CCNY: variants seen among roughly 807,000 people sequenced by gnomAD.
CCNY encodes the protein cyclin Y, also known as cyclin-Y.
In CCNY, 19 loss-of-function variants were observed where a neutral mutation model predicts 42.8. The observed-to-expected ratio is 0.44, with a 90% CI of 0.31 to 0.65. CCNY has a LOEUF of 0.65. Ranked by LOEUF, CCNY falls within the 30% of genes least tolerant of loss-of-function variation. The pLI, the probability that CCNY is intolerant of heterozygous loss-of-function variation, is 0.07. For synonymous variants in CCNY, 165 were observed against 162.7 expected (o/e 1.01, Z -0.11); for missense variants, 370 against 437.3 (o/e 0.85, Z 1.37).
At chr10:35,535,674 T>C (rs1589189790) in intron 7 of CCNY, among the ~76,000 whole-genome samples, 1 of 152,222 alleles carries the variant, frequency 6.6e-6, no homozygotes, top group South Asian at 2.1e-4. Flanking sequence ...GTGCTGAACA[T>C]GTACAGAATT....
intron 1 of CCNY, among the ~76,000 whole-genome samples, chr10:35,374,232 A>T (rs1035123557): frequency 6.6e-6 from 1 of 152,206 alleles, no homozygotes; most frequent in African/African-American, 2.4e-5. Context: ...CATATTATAT[A>T]GTTTAGCCAG....
intron 3 of CCNY, among the ~76,000 whole-genome samples, chr10:35,289,897 A>T (rs1398178390): frequency 6.9e-6 from 1 of 145,980 alleles, no homozygotes. Context: ...AAAAAAAAAA[A>T]GTTCCTTCAA....
In CCNY at chr10:35,275,056, CT is replaced by C. The variant is rs34467762; in HGVS notation, c.-9+24455del. 4.6e-3 allele frequency among the ~76,000 whole-genome samples: 298 copies of C among 64,888 alleles called. 1 individual carries two copies. Among genetic ancestry groups the C allele is most frequent in the Non-Finnish European group, 5.4e-3 (204 of 38,028 alleles). 42.6% of individuals were successfully genotyped at this position (64,888 alleles called of 152,430 possible). A position where few individuals can be genotyped will look rare whatever the true frequency, so the allele number is the denominator to read the frequency against. ...TATTGTTTTTGATTCACCGTCATTC[CT>C]TTTTTTTTTTTTTTTTTTTTTTTTG... On this transcript the variant is annotated intron_variant, in intron 3 of 11. Coordinates refer to the CCNY transcript ENST00000374706.
intron 2 of CCNY, among the ~76,000 whole-genome samples, chr10:35,489,062 G>A (rs891403299): frequency 3.3e-5 from 5 of 152,250 alleles, no homozygotes; most frequent in African/African-American, 1.2e-4. Context: ...AGCGGATCAC[G>A]AGGTCAGGAG....
intron 3 of CCNY, among the ~76,000 whole-genome samples, chr10:35,301,633 G>T (rs1292812266): frequency 3.3e-5 from 5 of 152,112 alleles, no homozygotes; most frequent in African/African-American, 1.2e-4. Flanking sequence ...GCTGTCTTTT[G>T]TTTTGCTTTG....
upstream of CCNY, among the ~76,000 whole-genome samples, chr10:35,334,846 C>A (rs997591997): frequency 2.0e-5 from 3 of 152,172 alleles, no homozygotes; most frequent in African/African-American, 4.8e-5. Context: ...CACACGATGT[C>A]CACACATTGC....
intron 4 of CCNY, among the ~76,000 whole-genome samples, chr10:35,523,194 G>A (rs1255869944): frequency 2.0e-5 from 3 of 152,176 alleles, no homozygotes; most frequent in South Asian, 2.1e-4. Flanking sequence ...TCCAACAGCC[G>A]TATTTGACAA....
chr10:35,341,559 G>T (rs184744703), intron 1 of CCNY, among the ~76,000 whole-genome samples: 20 of 152,358 alleles, frequency 1.3e-4, no homozygotes, highest in African/African-American at 4.3e-4. Flanking sequence ...AGTAGCACCT[G>T]ATTCCTTGAA....
chr10:35,430,299 T>G (rs1417224034), intron 1 of CCNY, among the ~76,000 whole-genome samples: 2 of 120,940 alleles, frequency 1.7e-5, no homozygotes, highest in African/African-American at 6.5e-5. Context: ...ATCCCGCCAC[T>G]GCACTCCAGC....
chr10:35,436,595 G>T (rs1838538908), intron 1 of CCNY, among the ~76,000 whole-genome samples: 2 of 152,284 alleles, frequency 1.3e-5, no homozygotes, highest in East Asian at 1.9e-4. Flanking sequence ...GAAGGACACT[G>T]GAGGCACAGC....
chr10:35,346,633 G>T (rs1215535850), intron 1 of CCNY, among the ~76,000 whole-genome samples: 8 of 152,068 alleles, frequency 5.3e-5, no homozygotes, highest in Non-Finnish European at 1.0e-4. Flanking sequence ...CTATACATTA[G>T]GTTTTACTGT....
chr10:35,544,729 A>G (rs1244575998), intron 7 of CCNY, among the ~76,000 whole-genome samples: 1 of 152,236 alleles, frequency 6.6e-6, no homozygotes, highest in Non-Finnish European at 1.5e-5. Context: ...CCTTGTGTGC[A>G]TAGTGAGCTG....
chr10:35,359,550 A>AGGCT (rs1367739702), intron 1 of CCNY, among the ~76,000 whole-genome samples: 2 of 151,812 alleles, frequency 1.3e-5, no homozygotes, highest in Non-Finnish European at 2.9e-5. Context: ...TATGCTGCCC[A>AGGCT]GGCTGATCTT....
At chr10:35,281,279 A>ATTAT (rs1295762658) in intron 3 of CCNY, among the ~76,000 whole-genome samples, 327 of 152,064 alleles carry the variant, frequency 2.2e-3, no homozygotes, top group African/African-American at 6.6e-3. Context: ...AGGAATTTTT[A>ATTAT]TTATTTATTT....
chr10:35,548,776 G>A (rs1267749541), intron 7 of CCNY, among the ~76,000 whole-genome samples: 1 of 152,060 alleles, frequency 6.6e-6, no homozygotes, highest in Non-Finnish European at 1.5e-5. Flanking sequence ...GGTGCATTCG[G>A]TGTAACTGTT....
At chr10:35,290,096 T>C (rs1295060259) in intron 3 of CCNY, among the ~76,000 whole-genome samples, 8 of 151,282 alleles carry the variant, frequency 5.3e-5, no homozygotes, top group Non-Finnish European at 1.2e-4. Flanking sequence ...CGTGGTGGCA[T>C]GCGTTTGTAA....
chr10:35,259,511 T>TTTC (rs2095717991), intron 3 of CCNY, among the ~76,000 whole-genome samples: 1 of 138,514 alleles, frequency 7.2e-6, no homozygotes. Context: ...TTTTTTTTTT[T>TTTC]TTTTTTTTTG....
chr10:35,532,976 G>A (rs912831540), intron 7 of CCNY, among the ~76,000 whole-genome samples: 3 of 152,268 alleles, frequency 2.0e-5, no homozygotes, highest in Admixed American at 6.5e-5. Context: ...AGGTCTGGAA[G>A]GACATCAGGC....
chr10:35,394,194 C>T (rs1837475313), intron 1 of CCNY, among the ~76,000 whole-genome samples: 2 of 152,218 alleles, frequency 1.3e-5, no homozygotes, highest in African/African-American at 4.8e-5. Flanking sequence ...ATGCCCAAGT[C>T]TTCCTCATAG....
Sources: gnomAD v4.1 joint callset for allele counts (sites outside exome capture counted in the v4.1 genomes callset) on GRCh38, gnomAD v4.1.1 for gene constraint, MANE v1.5 for transcripts, NCBI Gene and HGNC (gene_info 2026-07-23, HGNC 2026-07-21) for gene names.